Variants in LINGO2 observed in about 807,000 individuals in gnomAD.
The protein encoded by LINGO2 is leucine rich repeat and Ig domain containing 2, also known as leucine-rich repeat and immunoglobulin-like domain-containing nogo receptor-interacting protein 2.
Under a neutral mutation model 30.6 loss-of-function variants are expected in LINGO2, and 14 were observed. The observed-to-expected ratio is 0.46, with a 90% CI of 0.30 to 0.72. The LOEUF (loss-of-function observed/expected upper bound fraction) is 0.72. Ranked by LOEUF, LINGO2 falls within the 30% of genes least tolerant of loss-of-function variation. The pLI is 0.07. For synonymous variants in LINGO2, 317 were observed against 288.5 expected, an observed-to-expected ratio of 1.10 and a Z score of -1.00; for missense variants, 729 against 751.7, an observed-to-expected ratio of 0.97 and a Z score of 0.35.
At chr9:28,069,907 G>A (rs1825422753) in intron 4 of LINGO2, among the ~76,000 whole-genome samples, 1 of 152,192 alleles carries the variant, frequency 6.6e-6, no homozygotes, top group Admixed American at 6.5e-5. Flanking sequence ...AGCTCTTCCA[G>A]CAATTGCTGG....
At chr9:28,657,132 G>C (rs118183396) in intron 1 of LINGO2, among the ~76,000 whole-genome samples, 4,237 of 152,120 alleles carry the variant, frequency 0.028, 96 homozygotes, top group Middle Eastern at 0.095. Context: ...AAAAATGTGA[G>C]ATAAGTGTTT....
chr9:28,174,200 G>A (rs1376434342), intron 4 of LINGO2, among the ~76,000 whole-genome samples: 2 of 152,136 alleles, frequency 1.3e-5, no homozygotes. Flanking sequence ...TATGAGCTGC[G>A]ACATTTCTAA....
chr9:28,222,933 T>A (rs1269837921), intron 4 of LINGO2, among the ~76,000 whole-genome samples: 1 of 152,142 alleles, frequency 6.6e-6, no homozygotes, highest in African/African-American at 2.4e-5. Context: ...TTTACCTAGT[T>A]AGTCAGAGGA....
intron 1 of LINGO2, among the ~76,000 whole-genome samples, chr9:28,537,667 A>C (rs1364999397): frequency 6.6e-6 from 1 of 152,064 alleles, no homozygotes; most frequent in Non-Finnish European, 1.5e-5. Context: ...AATTAAACTC[A>C]GAGAAAGACG....
chr9:28,013,210 T>A (rs1822648053), intron 4 of LINGO2, among the ~76,000 whole-genome samples: 1 of 152,204 alleles, frequency 6.6e-6, no homozygotes, highest in Admixed American at 6.5e-5. Flanking sequence ...TCCCTATTTC[T>A]GCCTTCCACT....
intron 4 of LINGO2, among the ~76,000 whole-genome samples, chr9:28,105,082 T>C (rs1300124945): frequency 6.6e-6 from 1 of 152,180 alleles, no homozygotes; most frequent in Non-Finnish European, 1.5e-5. Flanking sequence ...GAAGTCAGAT[T>C]GGCACACTTT....
intron 1 of LINGO2, among the ~76,000 whole-genome samples, chr9:28,570,211 ATTAC>A (rs1292454229): frequency 3.9e-5 from 6 of 151,998 alleles, no homozygotes; most frequent in Non-Finnish European, 7.4e-5. Flanking sequence ...AATAATTGAC[ATTAC>A]TTACTTACCA....
chr9:28,603,477 C>T (rs1300836074), intron 1 of LINGO2, among the ~76,000 whole-genome samples: 1 of 151,940 alleles, frequency 6.6e-6, no homozygotes, highest in Non-Finnish European at 1.5e-5. Flanking sequence ...GAACTGATGT[C>T]TGCAGAATAT....
chr9:28,980,956 GT>G, the LINGO2 span, among the ~76,000 whole-genome samples: 1 of 152,062 alleles, frequency 6.6e-6, no homozygotes, highest in African/African-American at 2.4e-5. Flanking sequence ...ATCAATAGAT[GT>G]TTCAGTTGAA....
At chr9:28,267,879 C>T (rs1228045321) in intron 4 of LINGO2, among the ~76,000 whole-genome samples, 1 of 151,978 alleles carries the variant, frequency 6.6e-6, no homozygotes, top group Non-Finnish European at 1.5e-5. Context: ...CATTTCTTGG[C>T]TCAGGACATG....
intron 4 of LINGO2, among the ~76,000 whole-genome samples, chr9:28,024,436 CTCT>C (rs764103147): frequency 2.8e-4 from 43 of 152,166 alleles, no homozygotes; most frequent in Non-Finnish European, 4.6e-4. Context: ...AATCCAGTGG[CTCT>C]TCTTAGCTCA....
chr9:28,880,743 T>C, the LINGO2 span, among the ~76,000 whole-genome samples: 372 of 152,300 alleles, frequency 2.4e-3, 3 homozygotes, highest in African/African-American at 8.5e-3. Flanking sequence ...CTGAATGTCT[T>C]GGTATAAAAC....
chr9:29,011,066 C>G, the LINGO2 span, among the ~76,000 whole-genome samples: 1 of 152,132 alleles, frequency 6.6e-6, no homozygotes, highest in Non-Finnish European at 1.5e-5. Flanking sequence ...AGTGCTCACA[C>G]TGGTTTCAAA....
intron 2 of LINGO2, among the ~76,000 whole-genome samples, chr9:28,449,778 A>T (rs1482204676): frequency 6.6e-6 from 1 of 152,068 alleles, no homozygotes; most frequent in Non-Finnish European, 1.5e-5. Context: ...GTTCAATATT[A>T]TCTACTTTAT....
the LINGO2 span, among the ~76,000 whole-genome samples, chr9:29,171,614 C>T: frequency 6.6e-6 from 1 of 151,482 alleles, no homozygotes; most frequent in African/African-American, 2.4e-5. Context: ...AAATGATCAT[C>T]CAAAGGAGAC....
chr9:28,819,226 C>T, the LINGO2 span, among the ~76,000 whole-genome samples: 12 of 152,234 alleles, frequency 7.9e-5, no homozygotes, highest in East Asian at 1.4e-3. Context: ...TCAACCTCCT[C>T]GCTCTTGCTC....
chr9:28,251,546 T>C (rs1016609275), intron 4 of LINGO2, among the ~76,000 whole-genome samples: 13 of 152,180 alleles, frequency 8.5e-5, no homozygotes, highest in Non-Finnish European at 1.5e-4. Context: ...TGCCTGATTA[T>C]ACAAAAGGGT....
At chr9:28,081,532 A>G (rs1370512100) in intron 4 of LINGO2, among the ~76,000 whole-genome samples, 1 of 152,208 alleles carries the variant, frequency 6.6e-6, no homozygotes, top group Non-Finnish European at 1.5e-5. Context: ...ATTTTATTCA[A>G]TTACAATTTA....
intron 4 of LINGO2, among the ~76,000 whole-genome samples, chr9:28,111,555 T>C (rs1394614152): frequency 6.6e-6 from 1 of 152,118 alleles, no homozygotes; most frequent in Non-Finnish European, 1.5e-5. Context: ...AGGAAGGGAA[T>C]AATCCAAGTG....
Sources: allele counts gnomAD v4.1 joint callset (sites outside exome capture counted in the v4.1 genomes callset), GRCh38; gene constraint gnomAD v4.1.1; transcripts MANE v1.5; gene names NCBI Gene and HGNC (gene_info 2026-07-23, HGNC 2026-07-21).